The following SLC8A3 variants were observed in gnomAD, a reference collection of about 807,000 sequenced individuals.
SLC8A3 encodes solute carrier family 8 member A3.
In SLC8A3, 37 loss-of-function variants were observed where a neutral mutation model predicts 65.4. The observed-to-expected ratio is 0.57, with a 90% CI of 0.44 to 0.74. The LOEUF is 0.74. Ranked by LOEUF, SLC8A3 falls within the 30% of genes least tolerant of loss-of-function variation. The probability of loss-of-function intolerance (pLI) is 0.00; values close to 1 mark genes in which losing one functional copy is unlikely to be tolerated. For missense variants in SLC8A3, 1,112 were observed against 1,172.1 expected (o/e 0.95, Z 0.75); for synonymous variants, 461 against 444.5 (o/e 1.04, Z -0.47).
At chr14:70,185,870 A>G (rs1883165062) in intron 1 of SLC8A3, among the ~76,000 whole-genome samples, 1 of 152,208 alleles carries the variant, frequency 6.6e-6, no homozygotes, top group Admixed American at 6.5e-5. Flanking sequence ...GGTCCATTCT[A>G]TTTTATTTGC....
At chr14:70,132,893 C>A (rs769041806) in intron 2 of SLC8A3, among the ~76,000 whole-genome samples, 1 of 152,030 alleles carries the variant, frequency 6.6e-6, no homozygotes, top group Admixed American at 6.6e-5. Flanking sequence ...TTTTGGGGGG[C>A]CAGCCACCAA....
intron 2 of SLC8A3, among the ~76,000 whole-genome samples, chr14:70,125,767 TA>T (rs1260558705): frequency 6.6e-6 from 1 of 151,998 alleles, no homozygotes; most frequent in Admixed American, 6.6e-5. Context: ...AGCTTTTTTT[TA>T]AAAAAGAACA....
At position 70,167,718 on chromosome 14, in the gene SLC8A3, G is replaced by C; in HGVS notation, c.705C>G (p.Leu235=). The C allele has an allele frequency of 6.2e-7, 1 of 1,614,112 alleles. No homozygotes were observed. Among genetic ancestry groups the C allele is most frequent in the East Asian group, 2.2e-5 (1 of 44,874 alleles). ...ACACTGGAAAGAAGAAGAGAGTGAG[G>C]AGGCCTTCCCAAACCTGGACCACAC... ...SPGVVQVWEG[L]LTLFFFPVCV... The change falls in exon 2 of 7, where the codon CTC becomes CTG. Residue 235 remains leucine (L), a synonymous_variant. Coordinates refer to ENST00000356921, the MANE Select transcript of SLC8A3 (RefSeq NM_182932.3).
intron 2 of SLC8A3, among the ~76,000 whole-genome samples, chr14:70,090,902 C>T (rs1891757437): frequency 6.6e-6 from 1 of 152,166 alleles, no homozygotes; most frequent in South Asian, 2.1e-4. Flanking sequence ...CAGAAAAATG[C>T]ACATACTCAC....
intron 2 of SLC8A3, among the ~76,000 whole-genome samples, chr14:70,094,391 G>C (rs1416929510): frequency 1.3e-5 from 2 of 152,198 alleles, no homozygotes; most frequent in African/African-American, 2.4e-5. Flanking sequence ...ATAAATATCA[G>C]TTTCCTTTCC....
chr14:70,128,750 C>T (rs923887202), intron 2 of SLC8A3, among the ~76,000 whole-genome samples: 1 of 152,098 alleles, frequency 6.6e-6, no homozygotes, highest in Non-Finnish European at 1.5e-5. Context: ...GTTGTTAAAA[C>T]CCTTCTTTCC....
intron 2 of SLC8A3, among the ~76,000 whole-genome samples, chr14:70,150,927 C>T (rs771185977): frequency 3.3e-5 from 5 of 152,174 alleles, no homozygotes; most frequent in Non-Finnish European, 7.3e-5. Context: ...TTCATGGCTG[C>T]CCCTGCCTAG....
intron 2 of SLC8A3, among the ~76,000 whole-genome samples, chr14:70,089,795 T>C (rs75681122): frequency 0.076 from 11,576 of 152,266 alleles, 520 homozygotes; most frequent in Non-Finnish European, 0.11. Flanking sequence ...CTTCTACCAA[T>C]TTTCCCCCAA....
At chr14:70,169,696 G>GT (rs1566829588) in intron 1 of SLC8A3, among the ~76,000 whole-genome samples, 2 of 145,996 alleles carry the variant, frequency 1.4e-5, no homozygotes, top group East Asian at 4.3e-4. Flanking sequence ...AAAAGTGGGG[G>GT]GGGGGGCGAT....
rs868726424 is a variant in SLC8A3 at position 70,060,844 on chromosome 14, C to T, written c.1880G>A (p.Gly627Glu). The T allele has an allele frequency of 2.0e-6, 3 of 1,468,640 alleles. No individual in the cohort carries two copies. The highest frequency in any genetic ancestry group is 2.0e-5 in the Admixed American group (1 of 51,276). The allele number at this position is 1,468,640 out of a possible 1,614,324, so 91.0% of individuals were successfully genotyped here. Residue 627 changes from glycine to glutamate, a missense_variant, in exon 3 of 7, where the codon GGA (glycine) becomes GAA (glutamate). Coordinates refer to ENST00000356921, the MANE Select transcript of SLC8A3 (RefSeq NM_182932.3). The part of the protein sequence containing the change: ...ALGEPKWMER[G>E]ISDVTDRKLT... ...TTTAAAGAATCTCACACCTGATATT[C>T]CACGTTCCATCCATTTCGGTTCACC...
intron 1 of SLC8A3, among the ~76,000 whole-genome samples, chr14:70,180,896 A>G (rs1317031594): frequency 6.6e-6 from 1 of 152,174 alleles, no homozygotes; most frequent in Non-Finnish European, 1.5e-5. Flanking sequence ...TACTGGCTGG[A>G]CAGCTGAGTT....
chr14:70,116,790 A>G (rs1893699050), intron 2 of SLC8A3, among the ~76,000 whole-genome samples: 1 of 152,232 alleles, frequency 6.6e-6, no homozygotes, highest in African/African-American at 2.4e-5. Context: ...CTCTGCCTTT[A>G]AAAACAAATC....
Position 70,143,903 on chromosome 14 carries a change from T to C in SLC8A3, c.1784+22736A>G, listed in dbSNP as rs191366485. ...GGCACCTCACTGCTTACTTATCCTC[T>C]GTGAGCACTTCCCCTGCATTTTGGT... On this transcript the variant is annotated intron_variant, in intron 2 of 6. Coordinates refer to ENST00000356921, the MANE Select transcript of SLC8A3 (RefSeq NM_182932.3). Among the ~76,000 whole-genome samples the C allele has an allele frequency of 1.3e-3, 203 of 152,336 alleles. 6 individuals carry two copies. The highest frequency in any genetic ancestry group is 0.013 in the Admixed American group (201 of 15,304).
chr14:70,105,796 T>A (rs889742225), intron 2 of SLC8A3, among the ~76,000 whole-genome samples: 1 of 152,036 alleles, frequency 6.6e-6, no homozygotes, highest in Non-Finnish European at 1.5e-5. Context: ...GAAAAAAAAA[T>A]TGCAGACCAA....
chr14:70,095,224 T>C (rs1892087974), intron 2 of SLC8A3, among the ~76,000 whole-genome samples: 1 of 152,248 alleles, frequency 6.6e-6, no homozygotes, highest in South Asian at 2.1e-4. Context: ...CTTTCATAAC[T>C]TCACTTTGGT....
intron 2 of SLC8A3, among the ~76,000 whole-genome samples, chr14:70,091,511 A>C (rs17107773): frequency 2.0e-5 from 3 of 152,084 alleles, no homozygotes; most frequent in African/African-American, 7.2e-5. Flanking sequence ...CATTTTCTTG[A>C]AGCTGGTACT....
In SLC8A3 at chr14:70,045,832, A is replaced by G; in HGVS notation, c.*115T>C. The G allele has an allele frequency of 9.4e-6, 10 of 1,063,664 alleles. No individual in the cohort carries two copies. In the Admixed American group the frequency reaches 2.3e-4, roughly 25 times the overall value. The allele number at this position is 1,063,664 out of a possible 1,614,324, so 65.9% of individuals were successfully genotyped here. On this transcript the variant is annotated 3_prime_UTR_variant, in exon 7 of 7. Transcript: ENST00000356921. ...AAGTTGGGTGAAGTTCCTGGGGCTT[A>G]GGTCCTGATGCTGCCTCTCCAGGGC...
chr14:70,109,267 A>G (rs959582255), intron 2 of SLC8A3, among the ~76,000 whole-genome samples: 1 of 147,412 alleles, frequency 6.8e-6, no homozygotes, highest in Non-Finnish European at 1.5e-5. Flanking sequence ...ATAGGTATAC[A>G]TGTGCTGAAG....
At position 70,096,598 on chromosome 14, in the gene SLC8A3, T is replaced by C. The variant is rs55920647; in HGVS notation, c.1785-35659A>G. Among the ~76,000 whole-genome samples, 586 of 152,330 alleles carry C rather than the reference T, an allele frequency of 3.8e-3. 2 individuals carry two copies. The highest frequency in any genetic ancestry group is 9.0e-3 in the Admixed American group (138 of 15,306). On this transcript the variant is annotated intron_variant, in intron 2 of 6. Transcript: ENST00000356921. ...CCACCCACTTACTAGTTATGTGACC[T>C]TGAGCAAATTCCTCTATCACTCCAC...
Sources: allele counts gnomAD v4.1 joint callset (sites outside exome capture counted in the v4.1 genomes callset), GRCh38; gene constraint gnomAD v4.1.1; transcripts MANE v1.5; gene names NCBI Gene and HGNC (gene_info 2026-07-23, HGNC 2026-07-21).